UTP11: variants seen among roughly 807,000 people sequenced by gnomAD.
UTP11 encodes UTP11 small subunit processome component.
UTP11 carries 29 observed loss-of-function variants against 39.0 expected under a neutral mutation model. The ratio of observed to expected loss-of-function variants is 0.74; its 90% confidence interval spans 0.55 to 1.01. The LOEUF (loss-of-function observed/expected upper bound fraction) is 1.01. UTP11 is among the 50% of genes least tolerant of loss of function. UTP11 has a pLI of 0.00. For missense variants in UTP11, 281 were observed against 306.0 expected (o/e 0.92, Z 0.61); for synonymous variants, 111 against 105.0 (o/e 1.06, Z -0.35).
rs149615977 is a variant in UTP11, at chr1:38,019,278, C to T, written c.462C>T (p.His154=). The change falls in exon 6 of 8, where the codon CAC becomes CAT. Residue 154 remains histidine, a synonymous_variant. Transcript: ENST00000373014. ...KEVEQFDVAT[H]LQTAPELVDR... is the part of the protein sequence containing the mutation. ...TTGAACAGTTTGATGTCGCAACTCACCTGCAAACAGCCCCGGAGCTAGTCG... is the reference window on the plus strand; with the variant it reads ...TTGAACAGTTTGATGTCGCAACTCATCTGCAAACAGCCCCGGAGCTAGTCG... The T allele has an allele frequency of 1.2e-5, 19 of 1,613,994 alleles. No individual in the cohort carries two copies. Among genetic ancestry groups the T allele is most frequent in the Non-Finnish European group, 1.6e-5 (19 of 1,180,028 alleles).
intron 6 of UTP11, among the ~76,000 whole-genome samples, chr1:38,022,244 AGG>A (rs1646741680): frequency 6.6e-6 from 1 of 152,202 alleles, no homozygotes; most frequent in Admixed American, 6.5e-5. Context: ...GATTTGTGAG[AGG>A]GGGACGGTCC....
In UTP11 at chr1:38,019,294, G is replaced by A. The variant is rs768534069; in HGVS notation, c.478G>A (p.Glu160Lys). 6.2e-7 allele frequency: 1 copy of A among 1,614,096 alleles called. No individual in the cohort carries two copies. The highest frequency in any genetic ancestry group is 2.2e-5 in the East Asian group (1 of 44,882). Reference sequence around the variant, plus strand: ...CGCAACTCACCTGCAAACAGCCCCGGAGCTAGTCGACAGAGTCTTTAATAG... The same window carrying A: ...CGCAACTCACCTGCAAACAGCCCCGAAGCTAGTCGACAGAGTCTTTAATAG... Reference protein sequence around the residue: ...DVATHLQTAPELVDRVFNRPR... With the variant: ...DVATHLQTAPKLVDRVFNRPR... Residue 160 changes from glutamate to lysine, a missense_variant, in exon 6 of 8, where the codon GAG becomes AAG. Glu to Lys is a moderately conservative substitution (Grantham distance 56). Transcript: ENST00000373014.
intron 1 of UTP11, among the ~76,000 whole-genome samples, chr1:38,013,213 T>C (rs1646688267): frequency 6.6e-6 from 1 of 152,174 alleles, no homozygotes; most frequent in Non-Finnish European, 1.5e-5. Context: ...TGGGCTGAAA[T>C]TGGATCCCAC....
At position 38,023,658 on chromosome 1, in the gene UTP11, A is replaced by T; in HGVS notation, c.*30A>T. On this transcript the variant is annotated 3_prime_UTR_variant, in exon 8 of 8. Transcript: ENST00000373014. ...TTATAGATAAGCCTTGTCATTCTGT[A>T]TCAAAAATCTGTTGTCGTTTTCTAG... is the stretch of plus-strand genomic sequence containing the variant. 6.3e-7 allele frequency: 1 copy of T among 1,577,760 alleles called. No individual in the cohort carries two copies. The highest frequency in any genetic ancestry group is 8.6e-7 in the Non-Finnish European group (1 of 1,162,774).
chr1:38,018,634 A>T lies in UTP11; in HGVS notation c.342+57A>T, dbSNP rs878907823. The T allele has an allele frequency of 1.2e-5, 15 of 1,274,630 alleles. No individual in the cohort carries two copies. The Admixed American group carries it at 2.1e-4, about 18-fold the overall frequency. The allele number at this position is 1,274,630 out of a possible 1,614,324, so 79.0% of individuals were successfully genotyped here. ...TGGTTAAGAAGGGAAACTTAAATTC[A>T]TCAATCTCAAGTTATTCATTAATTT... On this transcript the variant is annotated intron_variant, in intron 4 of 7. Transcript: ENST00000373014.
In UTP11 at chr1:38,022,775, T is replaced by G. The variant is rs969116971; in HGVS notation, c.644T>G (p.Ile215Ser). The G allele has an allele frequency of 1.2e-6, 2 of 1,613,790 alleles. No individual in the cohort carries two copies. The highest frequency in any genetic ancestry group is 1.7e-6 in the Non-Finnish European group (2 of 1,179,868). ...GAACGAGAGAAGAAATTGTTCGTTA[T>G]TGCTCAGAAAATTCAAACACGCAAA... is the stretch of plus-strand genomic sequence containing the variant. ...RIEREKKLFV[I>S]AQKIQTRKDL... Residue 215 changes from isoleucine to serine, a missense_variant, in exon 7 of 8, where the codon ATT becomes AGT. Coordinates refer to ENST00000373014, the MANE Select transcript of UTP11 (RefSeq NM_016037.4).
rs1266786660 is a variant in UTP11, at chr1:38,019,270, G to A, written c.454G>A (p.Ala152Thr). The A allele has an allele frequency of 4.3e-6, 7 of 1,614,010 alleles. No individual in the cohort carries two copies. The highest frequency in any genetic ancestry group is 2.2e-5 in the South Asian group (2 of 91,078). Residue 152 changes from alanine (A) to threonine (T), a missense_variant, in exon 6 of 8, where the codon GCA (alanine) becomes ACA (threonine). Ala to Thr is a moderately conservative substitution (Grantham distance 58). Coordinates refer to ENST00000373014, the MANE Select transcript of UTP11 (RefSeq NM_016037.4). ...TKKEVEQFDV[A>T]THLQTAPELV... ...AATTTTAGTTGAACAGTTTGATGTC[G>A]CAACTCACCTGCAAACAGCCCCGGA...
At position 38,024,569 on chromosome 1, in the gene UTP11, A is replaced by ATT. The variant is rs912080452; in HGVS notation, c.*949_*950dup. On this transcript the variant is annotated 3_prime_UTR_variant, in exon 8 of 8. Coordinates refer to ENST00000373014, the MANE Select transcript of UTP11 (RefSeq NM_016037.4). ...AGGCGCCCGCCACCGCGCCTGGCTAATTTTTTTTTGTATTTTTTTAGTAGA... is the reference window on the plus strand; with the variant it reads ...AGGCGCCCGCCACCGCGCCTGGCTAATTTTTTTTTTTGTATTTTTTTAGTAGA... The ATT allele has an allele frequency of 6.7e-6, 1 of 149,938 alleles. No individual in the cohort carries two copies. Among genetic ancestry groups the ATT allele is most frequent in the Non-Finnish European group, 1.5e-5 (1 of 67,412 alleles). The allele number at this position is 149,938 out of a possible 1,614,324, so 9.3% of individuals were successfully genotyped here.
rs912707569 is a variant in UTP11, at chr1:38,018,969, T to C, written c.343-90T>C. ...GTTCTTTGCTGGCTGGCAATAATGATGTGAAATGGTTTAAACTTTTGCAGT... is the reference window on the plus strand; with the variant it reads ...GTTCTTTGCTGGCTGGCAATAATGACGTGAAATGGTTTAAACTTTTGCAGT... On this transcript the variant is annotated intron_variant, in intron 4 of 7. Coordinates refer to ENST00000373014, the MANE Select transcript of UTP11 (RefSeq NM_016037.4). The C allele has an allele frequency of 1.7e-5, 18 of 1,074,822 alleles. No individual in the cohort carries two copies. The African/African-American group carries it at 2.9e-4, about 17-fold the overall frequency. The allele number at this position is 1,074,822 out of a possible 1,614,324, so 66.6% of individuals were successfully genotyped here. A position where few individuals can be genotyped will look rare whatever the true frequency, so the allele number is the denominator to read the frequency against.
Position 38,024,487 on chromosome 1 carries a change from C to T in UTP11, c.*859C>T, listed in dbSNP as rs1570504871. Reference sequence around the variant, plus strand: ...GCGCAATCTCGGCTCACTGCAAGCTCCGCTTCCCGGGTTCACGCCATTCTC... The same window carrying T: ...GCGCAATCTCGGCTCACTGCAAGCTTCGCTTCCCGGGTTCACGCCATTCTC... On this transcript the variant is annotated 3_prime_UTR_variant, in exon 8 of 8. Transcript: ENST00000373014. 3.3e-5 allele frequency: 5 copies of T among 150,104 alleles called. No homozygotes were observed. The South Asian group carries it at 1.1e-3, about 32-fold the overall frequency. The allele number at this position is 150,104 out of a possible 1,614,324, so 9.3% of individuals were successfully genotyped here.
In UTP11 at chr1:38,016,411, T is replaced by G. The variant is rs761791122; in HGVS notation, c.116T>G (p.Leu39Arg). Residue 39 changes from leucine to arginine, a missense_variant, in exon 2 of 8, where the codon CTT (leucine) becomes CGT (arginine). By Grantham distance (102) the Leu-to-Arg change is moderately radical. Transcript: ENST00000373014. ...GLLEKKKDYK[L>R]RADDYRKKQE... ...CTGGAGAAAAAGAAAGATTACAAAC[T>G]TCGTGCAGAGTGAGTTCAGTCTTTC... The G allele has an allele frequency of 1.2e-6, 2 of 1,614,172 alleles. No individual in the cohort carries two copies. The highest frequency in any genetic ancestry group is 2.2e-5 in the South Asian group (2 of 91,086).
At chr1:38,013,146 C>G (rs1646687889) in intron 1 of UTP11, among the ~76,000 whole-genome samples, 1 of 152,172 alleles carries the variant, frequency 6.6e-6, no homozygotes, top group South Asian at 2.1e-4. Context: ...AGATGTCTGT[C>G]AAGTGCCTGG....
chr1:38,019,344 A>G lies in UTP11; in HGVS notation c.528A>G (p.Lys176=). 1 of 1,614,116 alleles carries G rather than the reference A, an allele frequency of 6.2e-7. No homozygotes were observed. Among genetic ancestry groups the G allele is most frequent in the Non-Finnish European group, 8.5e-7 (1 of 1,179,990 alleles). Residue 176 remains lysine (K), a synonymous_variant, in exon 6 of 8, where the codon AAA becomes AAG. Transcript: ENST00000373014. The stretch of plus-strand genomic sequence containing the variant: ...GGCCCAGGATAGAGACCTTGCAGAA[A>G]GAAAAAGTGAAAGGAGTTACCAATC... The part of the protein sequence containing the change: ...FNRPRIETLQ[K]EKVKGVTNQT...
chr1:38,016,275 C>G (rs1646706600), intron 1 of UTP11, 84 bp from the exon 2 acceptor site: 2 of 1,388,402 alleles, frequency 1.4e-6, no homozygotes, highest in African/African-American at 2.8e-5. Flanking sequence ...TCCAGAGACT[C>G]CTGTGCCTGT....
chr1:38,018,889 C>T (rs1421695015), intron 4 of UTP11, among the ~76,000 whole-genome samples, 170 bp from the exon 5 acceptor site: 1 of 152,180 alleles, frequency 6.6e-6, no homozygotes, highest in African/African-American at 2.4e-5. Flanking sequence ...TTGGGAAGTG[C>T]CTAGCCCAAT....
intron 1 of UTP11, 80 bp downstream of exon 1, chr1:38,012,945 A>T: frequency 6.4e-7 from 1 of 1,567,586 alleles, no homozygotes; most frequent in African/African-American, 1.4e-5. Flanking sequence ...CCACCGTGGG[A>T]TCCGGGTCCA....
rs573734939 is a variant in UTP11, at chr1:38,012,765, C to T, written c.-38C>T. On this transcript the variant is annotated 5_prime_UTR_variant, in exon 1 of 8. Transcript: ENST00000373014. ...CTTGGCGGCAGAGGCAGTGCGGATC[C>T]GGCGTTCTCCACTGATCTTTTCCAA... The T allele has an allele frequency of 1.1e-5, 18 of 1,613,800 alleles. 1 individual carries two copies. Among genetic ancestry groups the T allele is most frequent in the South Asian group, 8.8e-5 (8 of 91,078 alleles).
intron 3 of UTP11, among the ~76,000 whole-genome samples, chr1:38,018,151 A>G (rs1434841189): frequency 2.6e-5 from 4 of 151,824 alleles, no homozygotes; most frequent in Non-Finnish European, 5.9e-5. Context: ...GCTCCCTGCA[A>G]CCTCTGCCTC....
Position 38,024,116 on chromosome 1 carries a change from G to C in UTP11, c.*488G>C, listed in dbSNP as rs1156532872. On this transcript the variant is annotated 3_prime_UTR_variant, in exon 8 of 8. Transcript: ENST00000373014. ...GCCTCCCAAAGGGCTGGGATTACAGGGATGAGCCACTATGCCCAGCCCATA... is the reference window on the plus strand; with the variant it reads ...GCCTCCCAAAGGGCTGGGATTACAGCGATGAGCCACTATGCCCAGCCCATA... 6.6e-6 allele frequency: 1 copy of C among 152,406 alleles called. No individual in the cohort carries two copies. Among genetic ancestry groups the C allele is most frequent in the Non-Finnish European group, 1.5e-5 (1 of 68,206 alleles). The allele number at this position is 152,406 out of a possible 1,614,324, so 9.4% of individuals were successfully genotyped here.
Sources: allele counts gnomAD v4.1 joint callset (sites outside exome capture counted in the v4.1 genomes callset), GRCh38; gene constraint gnomAD v4.1.1; transcripts MANE v1.5; gene names NCBI Gene and HGNC (gene_info 2026-07-23, HGNC 2026-07-21).